Variants in FAM149A observed in about 807,000 individuals in gnomAD.
FAM149A encodes protein FAM149A.
FAM149A carries 71 observed loss-of-function variants against 78.2 expected under a neutral mutation model. That is an observed-to-expected ratio of 0.91 (90% CI 0.75 to 1.11). FAM149A has a LOEUF of 1.11. Among genes scored for constraint, FAM149A ranks in the 50% least tolerant of loss-of-function variants. The pLI is 0.00. For synonymous variants in FAM149A, 446 were observed against 410.5 expected (o/e 1.09, Z -1.04); for missense variants, 1,036 against 971.0 (o/e 1.07, Z -0.89).
At chr4:186,138,623 C>T (rs879437572) in intron 1 of FAM149A, among the ~76,000 whole-genome samples, 21 of 152,144 alleles carry the variant, frequency 1.4e-4, no homozygotes, top group Non-Finnish European at 2.9e-4. Context: ...TTTTGATGAT[C>T]ACGACAGTTT....
In FAM149A at chr4:186,167,226, G is replaced by A. The variant is rs1735121516; in HGVS notation, c.2182G>A (p.Ala728Thr). 2.5e-6 allele frequency: 4 copies of A among 1,612,008 alleles called. No individual in the cohort carries two copies. The African/African-American group carries it at 5.3e-5, about 21-fold the overall frequency. The change falls in exon 13 of 14, where the codon GCT becomes ACT. Residue 728 changes from alanine (A) to threonine (T), a missense_variant. Transcript: ENST00000389354. ...AAGTTCATTGACACAAATGGAATTT[G>A]CTGCTCACACATGGACAGGTCAAAG...
intron 1 of FAM149A, among the ~76,000 whole-genome samples, chr4:186,136,978 C>CTCTCTCTT (rs2099323344): frequency 1.9e-4 from 21 of 110,472 alleles, no homozygotes; most frequent in African/African-American, 6.9e-4. Context: ...CTCTCTCTTT[C>CTCTCTCTT]TCTCTCTCTC....
chr4:186,163,698 G>T, intron 10 of FAM149A, 65 bp downstream of exon 10: 6 of 1,184,424 alleles, frequency 5.1e-6, no homozygotes, highest in South Asian at 2.6e-5. Flanking sequence ...CTCAGTTAGG[G>T]TTTATGGATC....
At chr4:186,133,105 A>G (rs1455586543) in intron 1 of FAM149A, 1 of 985,414 alleles carries the variant, frequency 1.0e-6, no homozygotes, top group African/African-American at 1.7e-5. Flanking sequence ...TGGTGGGTAA[A>G]GGTTAGACAG....
intron 1 of FAM149A, chr4:186,109,400 G>C (rs2099310293): frequency 2.4e-6 from 2 of 846,182 alleles, no homozygotes; most frequent in Admixed American, 6.2e-5. Context: ...TGTCAGCATG[G>C]CTGGCAGTAA....
At chr4:186,119,889 C>G (rs1476567448) in intron 1 of FAM149A, among the ~76,000 whole-genome samples, 2 of 152,152 alleles carry the variant, frequency 1.3e-5, no homozygotes, top group African/African-American at 4.8e-5. Context: ...GAGCCTACAT[C>G]AAATAAAATG....
At chr4:186,157,444 G>C in intron 7 of FAM149A, 121 bp from the exon 8 acceptor site, 1 of 969,600 alleles carries the variant, frequency 1.0e-6, no homozygotes, top group South Asian at 1.6e-5. Context: ...AACATGTGGA[G>C]TGGCCGTAGC....
intron 1 of FAM149A, among the ~76,000 whole-genome samples, chr4:186,113,765 G>T (rs931617565): frequency 6.6e-6 from 1 of 151,208 alleles, no homozygotes; most frequent in African/African-American, 2.4e-5. Context: ...GAGATAGTTT[G>T]TTATAATCTC....
At chr4:186,137,188 T>C (rs1440650863) in intron 1 of FAM149A, among the ~76,000 whole-genome samples, 2 of 152,032 alleles carry the variant, frequency 1.3e-5, no homozygotes, top group Non-Finnish European at 2.9e-5. Context: ...CTTTTAAAGC[T>C]AGACTGGACT....
chr4:186,123,439 T>C lies in FAM149A; in HGVS notation c.566+17797T>C, dbSNP rs544857412. On this transcript the variant is annotated intron_variant, in intron 1 of 13. Coordinates refer to ENST00000389354, the MANE Select transcript of FAM149A (RefSeq NM_001367768.3). ...TTTGTTCCTGTATGTTCTTGCTGGA[T>C]ATGCAGAAATGCAAGGCCCTTCATG... The C allele has an allele frequency of 2.5e-5, 22 of 897,696 alleles. No individual in the cohort carries two copies. The East Asian group carries it at 2.5e-3, about 102-fold the overall frequency. The allele number at this position is 897,696 out of a possible 1,614,324, so 55.6% of individuals were successfully genotyped here.
chr4:186,125,920 G>T (rs1173811510), intron 1 of FAM149A: 5 of 985,298 alleles, frequency 5.1e-6, no homozygotes, highest in Non-Finnish European at 6.0e-6. Flanking sequence ...CTGCAGACTC[G>T]CACTGGCAAG....
At chr4:186,137,673 T>C (rs906536213) in intron 1 of FAM149A, among the ~76,000 whole-genome samples, 8 of 152,064 alleles carry the variant, frequency 5.3e-5, no homozygotes, top group Non-Finnish European at 8.8e-5. Context: ...ATTTCAATAT[T>C]ACATGCAGCC....
chr4:186,173,967 C>T lies in FAM149A; in HGVS notation c.*1980C>T, dbSNP rs1735649344. ...GTTATAGGGCTGCTGGTTAGGTGCT[C>T]TCTGGTGCATCATTACTGCTCAAAG... On this transcript the variant is annotated 3_prime_UTR_variant, in exon 14 of 14. Coordinates refer to ENST00000389354, the MANE Select transcript of FAM149A (RefSeq NM_001367768.3). Among the ~76,000 whole-genome samples the T allele has an allele frequency of 1.8e-5, 2 of 111,164 alleles. No individual in the cohort carries two copies. Among genetic ancestry groups the T allele is most frequent in the South Asian group, 2.8e-4 (1 of 3,558 alleles). 72.9% of individuals were successfully genotyped at this position (111,164 alleles called of 152,430 possible). A position where few individuals can be genotyped will look rare whatever the true frequency, so the allele number is the denominator to read the frequency against.
At chr4:186,163,877 C>A (rs951269235) in intron 10 of FAM149A, among the ~76,000 whole-genome samples, 1 of 152,126 alleles carries the variant, frequency 6.6e-6, no homozygotes, top group African/African-American at 2.4e-5. Context: ...TGCTGGGGGA[C>A]CTTGGGTGGA....
At chr4:186,150,442 C>G (rs571600276) in intron 3 of FAM149A, among the ~76,000 whole-genome samples, 1 of 88,460 alleles carries the variant, frequency 1.1e-5, no homozygotes, top group Non-Finnish European at 2.0e-5. Context: ...TTTTTTGAGA[C>G]GGAGTCTCGC....
chr4:186,105,701 C>A lies in FAM149A; in HGVS notation c.566+59C>A, dbSNP rs946653274. The A allele has an allele frequency of 5.0e-6, 5 of 1,008,862 alleles. No individual in the cohort carries two copies. In the African/African-American group the frequency reaches 5.3e-5, roughly 11 times the overall value. 62.5% of individuals were successfully genotyped at this position (1,008,862 alleles called of 1,614,324 possible). A position where few individuals can be genotyped will look rare whatever the true frequency, so the allele number is the denominator to read the frequency against. On this transcript the variant is annotated intron_variant, in intron 1 of 13. Coordinates refer to ENST00000389354, the MANE Select transcript of FAM149A (RefSeq NM_001367768.3). ...TTTGCCGGGACCCCCGACCCCTCCG[C>A]CTGCCGCACTCACCTTCGCAGGTGC...
intron 1 of FAM149A, among the ~76,000 whole-genome samples, chr4:186,120,906 T>A (rs2099315807): frequency 8.1e-6 from 1 of 123,420 alleles, no homozygotes; most frequent in South Asian, 3.0e-4. Context: ...CAGGCTGGAG[T>A]GCAGTGGCGC....
intron 8 of FAM149A, among the ~76,000 whole-genome samples, chr4:186,159,463 C>T (rs1178151553): frequency 3.3e-5 from 5 of 151,820 alleles, no homozygotes; most frequent in African/African-American, 1.2e-4. Flanking sequence ...TGTGACTGGG[C>T]TGAGTTTAGG....
chr4:186,131,456 A>C (rs1054495375), intron 1 of FAM149A, among the ~76,000 whole-genome samples: 1 of 152,216 alleles, frequency 6.6e-6, no homozygotes, highest in African/African-American at 2.4e-5. Flanking sequence ...AAGCCAGGAC[A>C]ACACCCTCAC....
Sources: allele counts gnomAD v4.1 joint callset (sites outside exome capture counted in the v4.1 genomes callset), GRCh38; gene constraint gnomAD v4.1.1; transcripts MANE v1.5; gene names NCBI Gene and HGNC (gene_info 2026-07-23, HGNC 2026-07-21).